The following PNKD variants were observed in gnomAD, a reference collection of about 807,000 sequenced individuals.
PNKD encodes the protein probable thioesterase PNKD.
In PNKD, 36 loss-of-function variants were observed where a neutral mutation model predicts 45.3. The ratio of observed to expected loss-of-function variants is 0.80; its 90% confidence interval spans 0.61 to 1.05. The LOEUF is 1.05. Among genes scored for constraint, PNKD ranks in the 50% least tolerant of loss-of-function variants. The pLI is 0.00. For synonymous variants in PNKD, 197 were observed against 210.1 expected (o/e 0.94, Z 0.54); for missense variants, 511 against 506.6 (o/e 1.01, Z -0.08).
rs1214443339 is a variant in PNKD, at chr2:218,280,111, T to C, written c.236+8562T>C. 6.2e-6 allele frequency: 10 copies of C among 1,613,890 alleles called. No homozygotes were observed. Among genetic ancestry groups the C allele is most frequent in the Middle Eastern group, 1.6e-4 (1 of 6,084 alleles). On this transcript the variant is annotated intron_variant, in intron 2 of 9. Transcript: ENST00000273077. The stretch of plus-strand genomic sequence containing the variant: ...ACTCACTGCTCTCTCCTCCCCATCA[T>C]AGCCATGGCCTGGGCCTAGGGACAG...
At chr2:218,277,268 G>C (rs1559500767) in intron 2 of PNKD, 2 of 1,236,076 alleles carry the variant, frequency 1.6e-6, no homozygotes, top group Non-Finnish European at 1.2e-6. Flanking sequence ...TGAGGAGAAG[G>C]GGATCAGGTC....
intron 2 of PNKD, chr2:218,327,825 G>A (rs1024845009): frequency 6.6e-6 from 1 of 152,628 alleles, no homozygotes; most frequent in African/African-American, 2.4e-5. Flanking sequence ...CCCAGAATGT[G>A]AACACTTCTC....
chr2:218,298,910 T>C (rs1693206232), intron 2 of PNKD, among the ~76,000 whole-genome samples: 1 of 152,108 alleles, frequency 6.6e-6, no homozygotes, highest in Non-Finnish European at 1.5e-5. Context: ...CCAACAGCGA[T>C]TTCCTCTTAT....
intron 2 of PNKD, among the ~76,000 whole-genome samples, chr2:218,306,686 C>T (rs1559517911): frequency 6.6e-6 from 1 of 152,184 alleles, no homozygotes. Context: ...CCACTCCCTC[C>T]CCGACAGTTC....
chr2:218,279,159 A>T, intron 2 of PNKD: 1 of 1,595,980 alleles, frequency 6.3e-7, no homozygotes, highest in Non-Finnish European at 8.6e-7. Flanking sequence ...CCAGCCAGGC[A>T]GCCCTGGCTT....
chr2:218,289,635 A>AAT (rs1692799692), intron 2 of PNKD, among the ~76,000 whole-genome samples: 2 of 150,932 alleles, frequency 1.3e-5, no homozygotes, highest in South Asian at 2.1e-4. Context: ...GAAAAAAAAA[A>AAT]AAAAAAAAAA....
At chr2:218,298,215 G>A (rs1693193945) in intron 2 of PNKD, among the ~76,000 whole-genome samples, 2 of 152,154 alleles carry the variant, frequency 1.3e-5, no homozygotes, top group Non-Finnish European at 2.9e-5. Flanking sequence ...TGCAGGCAGG[G>A]CCAGCGAAAT....
intron 2 of PNKD, among the ~76,000 whole-genome samples, chr2:218,302,908 T>C (rs1693309237): frequency 6.6e-6 from 1 of 152,064 alleles, no homozygotes; most frequent in African/African-American, 2.4e-5. Flanking sequence ...AAGAGTTACC[T>C]AAAGGCCTGG....
intron 2 of PNKD, chr2:218,272,667 C>T (rs199646553): frequency 6.2e-6 from 10 of 1,614,062 alleles, no homozygotes; most frequent in East Asian, 4.5e-5. Context: ...GCAGAACATG[C>T]GGTTGTCCAA....
chr2:218,275,420 G>T, intron 2 of PNKD: 1 of 1,576,916 alleles, frequency 6.3e-7, no homozygotes, highest in Non-Finnish European at 8.6e-7. Flanking sequence ...ATAGGGCCCA[G>T]CCCTCTAGCT....
intron 2 of PNKD, among the ~76,000 whole-genome samples, chr2:218,329,767 T>A (rs899184339): frequency 6.6e-6 from 1 of 152,272 alleles, no homozygotes; most frequent in African/African-American, 2.4e-5. Flanking sequence ...GCTTTTTAGC[T>A]GTTTTGTTAT....
chr2:218,286,568 C>T (rs1216793946), intron 2 of PNKD: 1 of 152,258 alleles, frequency 6.6e-6, no homozygotes, highest in Non-Finnish European at 1.5e-5. Flanking sequence ...AGTGGGTGAG[C>T]TCAGACAGCA....
chr2:218,343,646 C>A, intron 8 of PNKD, 60 bp downstream of exon 8: 2 of 1,248,124 alleles, frequency 1.6e-6, no homozygotes, highest in South Asian at 1.3e-5. Context: ...GGGACAAGGG[C>A]CTTCCCACCC....
At chr2:218,299,222 A>T in intron 2 of PNKD, among the ~76,000 whole-genome samples, 1 of 151,978 alleles carries the variant, frequency 6.6e-6, no homozygotes, top group Admixed American at 6.6e-5. Context: ...GCTCACTGCA[A>T]CCTCCGCGTC....
intron 2 of PNKD, among the ~76,000 whole-genome samples, chr2:218,312,225 C>T (rs1693635504): frequency 1.3e-5 from 2 of 152,168 alleles, no homozygotes; most frequent in South Asian, 4.1e-4. Context: ...CTTTCTTTTC[C>T]CCACATGTAA....
intron 2 of PNKD, among the ~76,000 whole-genome samples, chr2:218,315,016 C>CTTTTTCTT (rs371658171): frequency 1.3e-5 from 1 of 74,274 alleles, no homozygotes; most frequent in Admixed American, 1.2e-4. Flanking sequence ...CTTTCTTTTT[C>CTTTTTCTT]TTTCTTTCTT....
intron 2 of PNKD, chr2:218,279,442 C>T: frequency 1.6e-6 from 2 of 1,227,022 alleles, no homozygotes; most frequent in East Asian, 5.1e-5. Context: ...TCCTCCCACT[C>T]AAGAACCCTC....
chr2:218,323,173 C>G, intron 2 of PNKD: 2 of 1,371,790 alleles, frequency 1.5e-6, no homozygotes, highest in South Asian at 3.3e-5. Context: ...CCCCCACGTC[C>G]AGAGCCGGCA....
intron 2 of PNKD, among the ~76,000 whole-genome samples, chr2:218,314,981 T>C (rs901010122): frequency 6.6e-6 from 1 of 151,206 alleles, no homozygotes. Context: ...TGAGCCACTA[T>C]GCCCGCCTGA....
Sources: gnomAD v4.1 joint callset for allele counts (sites outside exome capture counted in the v4.1 genomes callset) on GRCh38, gnomAD v4.1.1 for gene constraint, MANE v1.5 for transcripts, NCBI Gene and HGNC (gene_info 2026-07-23, HGNC 2026-07-21) for gene names.